Variants in RTN4IP1 observed in about 807,000 individuals in gnomAD.
The protein encoded by RTN4IP1 is NAD(P)H oxidoreductase RTN4IP1, mitochondrial.
Under a neutral mutation model 46.6 loss-of-function variants are expected in RTN4IP1, and 32 were observed. The observed-to-expected ratio is 0.69, with a 90% CI of 0.52 to 0.92. The LOEUF is 0.92. RTN4IP1 is among the 40% of genes least tolerant of loss of function. The pLI is 0.00. For missense variants in RTN4IP1, 424 were observed against 485.8 expected (o/e 0.87, Z 1.20); for synonymous variants, 167 against 161.8 (o/e 1.03, Z -0.24).
chr6:106,616,566 CAATAGCT>C lies in RTN4IP1; in HGVS notation c.620+2629_620+2635del, dbSNP rs74567217. On this transcript the variant is annotated intron_variant, in intron 4 of 8. Coordinates refer to ENST00000369063, the MANE Select transcript of RTN4IP1 (RefSeq NM_032730.5). The stretch of plus-strand genomic sequence containing the variant: ...TGCAGACTAAGGCATGCCTTAATGC[CAATAGCT>C]AATAGCTAACAGAAAAAGAACAGTT... 6.8e-3 allele frequency among the ~76,000 whole-genome samples: 572 copies of C among 84,552 alleles called. 4 individuals carry two copies. Among genetic ancestry groups the C allele is most frequent in the African/African-American group, 0.022 (478 of 21,978 alleles). The allele number at this position is 84,552 out of a possible 152,430, so 55.5% of individuals were successfully genotyped here.
chr6:106,612,655 T>TACCTACTCCACCCTAACTCATTCTTATC (rs57330586), intron 4 of RTN4IP1, among the ~76,000 whole-genome samples: 1 of 151,728 alleles, frequency 6.6e-6, no homozygotes, highest in African/African-American at 2.4e-5. Context: ...CTTTTACAAT[T>TACCTACTCCACCCTAACTCATTCTTATC]ACCTGCTCCA....
At chr6:106,606,133 C>G (rs1479441463) in intron 4 of RTN4IP1, among the ~76,000 whole-genome samples, 3 of 152,014 alleles carry the variant, frequency 2.0e-5, no homozygotes, top group Non-Finnish European at 4.4e-5. Flanking sequence ...ATACAAAAAT[C>G]CGTAGCAGCC....
intron 1 of RTN4IP1, among the ~76,000 whole-genome samples, chr6:106,625,129 T>G (rs1160163741): frequency 6.6e-6 from 1 of 151,688 alleles, no homozygotes; most frequent in Non-Finnish European, 1.5e-5. Context: ...GTATCTGTTA[T>G]TCTCTCTTCT....
intron 1 of RTN4IP1, among the ~76,000 whole-genome samples, chr6:106,625,510 G>C (rs1029423213): frequency 5.3e-5 from 8 of 152,106 alleles, no homozygotes; most frequent in Non-Finnish European, 8.8e-5. Context: ...GTGCACTTTT[G>C]AGAGAATGGG....
intron 8 of RTN4IP1, among the ~76,000 whole-genome samples, chr6:106,575,886 T>C (rs1431486375): frequency 6.6e-6 from 1 of 152,180 alleles, no homozygotes; most frequent in African/African-American, 2.4e-5. Context: ...ACCCTTGGCC[T>C]CTTCTTCCAC....
chr6:106,618,205 T>C (rs1776397999), intron 4 of RTN4IP1, among the ~76,000 whole-genome samples: 1 of 151,922 alleles, frequency 6.6e-6, no homozygotes, highest in African/African-American at 2.4e-5. Flanking sequence ...ACACATTAAA[T>C]GTAAAGTGCA....
Position 106,597,784 on chromosome 6 carries a change from C to T in RTN4IP1, c.669+5090G>A, listed in dbSNP as rs910880908. On this transcript the variant is annotated intron_variant, in intron 5 of 8. Coordinates refer to ENST00000369063, the MANE Select transcript of RTN4IP1 (RefSeq NM_032730.5). ...TATGTATACATGTGCCATTCTGGTG[C>T]GCTGCACCCACTAACTCGTCATCTA... 8.9e-4 allele frequency among the ~76,000 whole-genome samples: 134 copies of T among 150,726 alleles called. 1 individual carries two copies. The highest frequency in any genetic ancestry group is 3.1e-3 in the African/African-American group (125 of 40,878).
chr6:106,613,569 A>C (rs6913393), intron 4 of RTN4IP1, among the ~76,000 whole-genome samples: 2,911 of 152,310 alleles, frequency 0.019, 74 homozygotes, highest in African/African-American at 0.068. Context: ...TATTCACTAC[A>C]CAAGAAAACG....
intron 4 of RTN4IP1, among the ~76,000 whole-genome samples, chr6:106,605,188 C>T (rs745463172): frequency 1.3e-5 from 2 of 152,168 alleles, no homozygotes; most frequent in Non-Finnish European, 2.9e-5. Context: ...GTAATCCCAG[C>T]ACATTGGGAA....
chr6:106,587,432 A>G (rs1775512905), intron 7 of RTN4IP1, among the ~76,000 whole-genome samples: 1 of 152,244 alleles, frequency 6.6e-6, no homozygotes, highest in South Asian at 2.1e-4. Context: ...GCAGTAAGGT[A>G]GATCTATTAA....
chr6:106,621,307 TC>T (rs1776480569), intron 3 of RTN4IP1, 117 bp downstream of exon 3: 1 of 735,196 alleles, frequency 1.4e-6, no homozygotes, highest in East Asian at 2.6e-5. Flanking sequence ...TTCTATATTA[TC>T]TTTTTATAAA....
At chr6:106,577,539 G>C (rs1393934149) in intron 8 of RTN4IP1, among the ~76,000 whole-genome samples, 1 of 147,254 alleles carries the variant, frequency 6.8e-6, no homozygotes, top group African/African-American at 2.5e-5. Context: ...AAGGTTTCTA[G>C]TTGCTCTCAT....
At chr6:106,592,372 A>T (rs896413249) in intron 5 of RTN4IP1, 72 bp from the exon 6 acceptor site, 2 of 1,487,418 alleles carry the variant, frequency 1.3e-6, no homozygotes, top group African/African-American at 2.8e-5. Context: ...TTGAAAAAAA[A>T]ATCATTGGCA....
intron 5 of RTN4IP1, among the ~76,000 whole-genome samples, chr6:106,596,470 C>A (rs1775795957): frequency 1.3e-5 from 2 of 152,110 alleles, no homozygotes; most frequent in South Asian, 2.1e-4. Context: ...TGTAGTTCTA[C>A]CTACTCAGGA....
At chr6:106,613,258 T>A (rs1334173381) in intron 4 of RTN4IP1, among the ~76,000 whole-genome samples, 1 of 152,198 alleles carries the variant, frequency 6.6e-6, no homozygotes, top group Non-Finnish European at 1.5e-5. Context: ...AAGTTATCCC[T>A]AGCTGTCCTA....
At chr6:106,630,211 G>A (rs775630736), upstream of RTN4IP1, among the ~76,000 whole-genome samples, 1 of 152,174 alleles carries the variant, frequency 6.6e-6, no homozygotes, top group African/African-American at 2.4e-5. Context: ...TGGACGTCGT[G>A]TTTGAATTCT....
At chr6:106,619,823 A>G (rs1038062839) in intron 3 of RTN4IP1, among the ~76,000 whole-genome samples, 40 of 151,606 alleles carry the variant, frequency 2.6e-4, no homozygotes, top group Admixed American at 2.6e-3. Flanking sequence ...GTGTTAGCCA[A>G]GATGGTCTCG....
intron 6 of RTN4IP1, among the ~76,000 whole-genome samples, chr6:106,589,126 G>C (rs568149230): frequency 9.2e-6 from 1 of 109,092 alleles, no homozygotes; most frequent in Non-Finnish European, 1.9e-5. Context: ...AGGAAGAAGA[G>C]GAAGAAGAAG....
chr6:106,588,228 G>A (rs376163626), intron 6 of RTN4IP1, among the ~76,000 whole-genome samples: 4 of 152,152 alleles, frequency 2.6e-5, no homozygotes, highest in South Asian at 2.1e-4. Context: ...CCAAAATGTC[G>A]ATAGTTGAGA....
Sources: gnomAD v4.1 joint callset for allele counts (sites outside exome capture counted in the v4.1 genomes callset) on GRCh38, gnomAD v4.1.1 for gene constraint, MANE v1.5 for transcripts, NCBI Gene and HGNC (gene_info 2026-07-23, HGNC 2026-07-21) for gene names.